KCNQ1: variants seen among roughly 807,000 people sequenced by gnomAD.
The protein encoded by KCNQ1 is potassium voltage-gated channel subfamily KQT member 1.
A neutral mutation model predicts 72.4 loss-of-function variants in KCNQ1; 49 were observed. That is an observed-to-expected ratio of 0.68 (90% confidence interval 0.54 to 0.86). The LOEUF (loss-of-function observed/expected upper bound fraction) is 0.86, where lower values mean the gene tolerates loss of function less well. KCNQ1 is among the 40% of genes least tolerant of loss of function. KCNQ1 has a pLI of 0.00. For missense variants in KCNQ1, 790 were observed against 945.1 expected, an observed-to-expected ratio of 0.84 and a Z score of 2.15; for synonymous variants, 450 against 412.6, an observed-to-expected ratio of 1.09 and a Z score of -1.10.
intron 1 of KCNQ1, among the ~76,000 whole-genome samples, chr11:2,454,379 A>T (rs1310004545): frequency 1.3e-5 from 2 of 152,322 alleles, no homozygotes; most frequent in Non-Finnish European, 1.5e-5. Context: ...TAACCAGAAA[A>T]AGTAGTCCCT....
chr11:2,570,839 T>A, intron 3 of KCNQ1, 85 bp downstream of exon 3: 2 of 1,582,856 alleles, frequency 1.3e-6, no homozygotes, highest in Non-Finnish European at 1.7e-6. Flanking sequence ...CCAGATGGAG[T>A]CCCCTAAGGA....
At chr11:2,485,678 C>T (rs1846730234) in intron 1 of KCNQ1, among the ~76,000 whole-genome samples, 1 of 152,120 alleles carries the variant, frequency 6.6e-6, no homozygotes, top group South Asian at 2.1e-4. Flanking sequence ...CCCCATTAAA[C>T]ACCAACTCCC....
intron 10 of KCNQ1, chr11:2,646,400 C>A: frequency 2.5e-6 from 1 of 398,542 alleles, no homozygotes; most frequent in Non-Finnish European, 4.4e-6. Context: ...TTATAGTTTT[C>A]ATTGTGGAAA....
intron 11 of KCNQ1, chr11:2,694,155 AGAGGG>A: frequency 2.5e-6 from 1 of 398,668 alleles, no homozygotes; most frequent in Non-Finnish European, 4.4e-6. Context: ...TGACCAGGGA[AGAGGG>A]TACTCTGATT....
intron 11 of KCNQ1, chr11:2,672,280 C>T (rs1286815965): frequency 2.5e-6 from 1 of 398,550 alleles, no homozygotes; most frequent in African/African-American, 2.1e-5. Flanking sequence ...CCACGAACCC[C>T]ACCAGCTGGG....
At chr11:2,739,790 C>T (rs925198711) in intron 11 of KCNQ1, among the ~76,000 whole-genome samples, 2 of 152,238 alleles carry the variant, frequency 1.3e-5, no homozygotes, top group South Asian at 2.1e-4. Flanking sequence ...CCAAGTTGAC[C>T]GTGTCCAGGG....
intron 15 of KCNQ1, among the ~76,000 whole-genome samples, chr11:2,788,921 C>T (rs972019998): frequency 4.6e-5 from 7 of 152,132 alleles, no homozygotes; most frequent in South Asian, 2.1e-4. Context: ...CAGCAAGCTC[C>T]GGGGAGGCTT....
At position 2,568,179 on chromosome 11, in the gene KCNQ1, A is replaced by G. The variant is rs377197890; in HGVS notation, c.478-2449A>G. Among the ~76,000 whole-genome samples, 16 of 152,304 alleles carry G rather than the reference A, an allele frequency of 1.1e-4. No homozygotes were observed. The East Asian group carries it at 2.3e-3, about 22-fold the overall frequency. On this transcript the variant is annotated intron_variant, in intron 2 of 15. Coordinates refer to ENST00000155840, the MANE Select transcript of KCNQ1 (RefSeq NM_000218.3). ...TCCCAGCTACTCAGGAGGCTGAGGC[A>G]GGAGAATTGCTTGAACCTGGGAGGC...
chr11:2,672,513 C>A (rs562429381), intron 11 of KCNQ1: 2 of 398,654 alleles, frequency 5.0e-6, no homozygotes, highest in African/African-American at 2.1e-5. Context: ...CTCTGTGCTC[C>A]CAGGCCTCTC....
intron 11 of KCNQ1, among the ~76,000 whole-genome samples, chr11:2,755,825 G>A (rs1846290957): frequency 6.6e-6 from 1 of 152,196 alleles, no homozygotes; most frequent in African/African-American, 2.4e-5. Context: ...ATATATGTGT[G>A]TGTATAACCA....
Position 2,712,783 on chromosome 11 carries a change from A to C in KCNQ1, c.1514+50702A>C, listed in dbSNP as rs888297379. 6.6e-6 allele frequency among the ~76,000 whole-genome samples: 1 copy of C among 152,152 alleles called. No individual in the cohort carries two copies. The highest frequency in any genetic ancestry group is 1.5e-5 in the Non-Finnish European group (1 of 68,018). On this transcript the variant is annotated intron_variant, in intron 11 of 15. Coordinates refer to ENST00000155840, the MANE Select transcript of KCNQ1 (RefSeq NM_000218.3). The surrounding 1 kb of genome is among the most constrained non-coding windows in gnomAD (Gnocchi z 6.4). ...CCCCTGGCTCCTGCACTTTTTCTGC[A>C]CGGGACTCCCTCACAGCCTCTGGGT...
chr11:2,658,416 G>T lies in KCNQ1; in HGVS notation c.1394-3545G>T, dbSNP rs1849889635. The T allele has an allele frequency of 2.5e-6, 1 of 398,378 alleles. No homozygotes were observed. The highest frequency in any genetic ancestry group is 2.1e-5 in the African/African-American group (1 of 48,592). The allele number at this position is 398,378 out of a possible 1,614,324, so 24.7% of individuals were successfully genotyped here. On this transcript the variant is annotated intron_variant, in intron 10 of 15. Transcript: ENST00000155840. The surrounding 1 kb of genome is among the most constrained non-coding windows in gnomAD (Gnocchi z 4.9). ...TATTATTTATTTTGTTGCTCAAATT[G>T]TTCAAGCTGTGGCCACTGGTGGGTT... is the stretch of plus-strand genomic sequence containing the variant.
At chr11:2,632,018 T>C (rs1440755123) in intron 10 of KCNQ1, 2 of 395,692 alleles carry the variant, frequency 5.1e-6, no homozygotes, top group African/African-American at 4.1e-5. Context: ...CCATCTCTAC[T>C]AAAAATACAA....
chr11:2,624,374 C>G lies in KCNQ1; in HGVS notation c.1393+35520C>G. 5.0e-6 allele frequency: 2 copies of G among 398,514 alleles called. No homozygotes were observed. The highest frequency in any genetic ancestry group is 1.3e-4 in the South Asian group (1 of 7,850). 24.7% of individuals were successfully genotyped at this position (398,514 alleles called of 1,614,324 possible). ...GTCTCCCTTCTGTGGCCTGTCCTTTCATCCTCTTGACAGTATGTTTTACAG... is the reference window on the plus strand; with the variant it reads ...GTCTCCCTTCTGTGGCCTGTCCTTTGATCCTCTTGACAGTATGTTTTACAG... On this transcript the variant is annotated intron_variant, in intron 10 of 15. Coordinates refer to ENST00000155840, the MANE Select transcript of KCNQ1 (RefSeq NM_000218.3). The surrounding 1 kb of genome is among the most constrained non-coding windows in gnomAD (Gnocchi z 4.9).
chr11:2,765,016 C>A (rs1324176719), intron 11 of KCNQ1, among the ~76,000 whole-genome samples: 1 of 152,172 alleles, frequency 6.6e-6, no homozygotes, highest in African/African-American at 2.4e-5. Context: ...AACTTTATCT[C>A]TTCCCTCCTA....
chr11:2,820,248 T>G (rs1425030989), intron 15 of KCNQ1, among the ~76,000 whole-genome samples: 2 of 152,224 alleles, frequency 1.3e-5, no homozygotes, highest in Admixed American at 1.3e-4. Context: ...TCCCACACTC[T>G]TGGCATGTAA....
rs1846832290 is a variant in KCNQ1, at chr11:2,491,267, A to G, written c.387-36661A>G. ...CAAACTAAATAAAGCATCAGGGACC[A>G]ATCCTGAAGAAAAGAGATATGTGAC... On this transcript the variant is annotated intron_variant, in intron 1 of 15. Coordinates refer to ENST00000155840, the MANE Select transcript of KCNQ1 (RefSeq NM_000218.3). The surrounding 1 kb of genome is among the most constrained non-coding windows in gnomAD (Gnocchi z 4.1). Among the ~76,000 whole-genome samples the G allele has an allele frequency of 6.6e-6, 1 of 152,254 alleles. No individual in the cohort carries two copies. Among genetic ancestry groups the G allele is most frequent in the Admixed American group, 6.5e-5 (1 of 15,282 alleles).
rs1044962101 is a variant in KCNQ1, at chr11:2,608,074, A to G, written c.1393+19220A>G. ...ACCTAAAATGGGTAAAATAAATTTT[A>G]TAAGTTCTCTTTTCATGTTTTTGTC... On this transcript the variant is annotated intron_variant, in intron 10 of 15. Coordinates refer to ENST00000155840, the MANE Select transcript of KCNQ1 (RefSeq NM_000218.3). The surrounding 1 kb of genome is among the most constrained non-coding windows in gnomAD (Gnocchi z 4.6). Among the ~76,000 whole-genome samples, 1 of 152,230 alleles carries G rather than the reference A, an allele frequency of 6.6e-6. No individual in the cohort carries two copies. Among genetic ancestry groups the G allele is most frequent in the African/African-American group, 2.4e-5 (1 of 41,462 alleles).
At position 2,724,100 on chromosome 11, in the gene KCNQ1, T is replaced by G. The variant is rs982317538; in HGVS notation, c.1515-44744T>G. On this transcript the variant is annotated intron_variant, in intron 11 of 15. Coordinates refer to ENST00000155840, the MANE Select transcript of KCNQ1 (RefSeq NM_000218.3). This position sits in a 1 kb window ranked among gnomAD's most constrained non-coding sequence, Gnocchi z 6.8. ...GGTGCCTGGGGGCCCAGGCTTTTGA[T>G]AGAGAATCACATCTGGACCAGGACG... 1.3e-5 allele frequency among the ~76,000 whole-genome samples: 2 copies of G among 151,926 alleles called. No individual in the cohort carries two copies. The highest frequency in any genetic ancestry group is 2.9e-5 in the Non-Finnish European group (2 of 67,974).
Sources: gnomAD v4.1 joint callset for allele counts (sites outside exome capture counted in the v4.1 genomes callset) on GRCh38, gnomAD v4.1.1 for gene constraint, Gnocchi (gnomAD v3.1) non-coding constraint, MANE v1.5 for transcripts, NCBI Gene and HGNC (gene_info 2026-07-23, HGNC 2026-07-21) for gene names.